FOCAD: variants seen among roughly 807,000 people sequenced by gnomAD.
The protein encoded by FOCAD is focadhesin.
In FOCAD, 198 loss-of-function variants were observed where a neutral mutation model predicts 225.6. That is an observed-to-expected ratio of 0.88 (90% confidence interval 0.78 to 0.99). The LOEUF (loss-of-function observed/expected upper bound fraction) is 0.99. FOCAD is among the 50% of genes least tolerant of loss of function. The pLI is 0.00. For missense variants in FOCAD, 2,713 were observed against 2,123.6 expected (o/e 1.28, Z -5.46); for synonymous variants, 897 against 755.0 (o/e 1.19, Z -3.08).
chr9:20,690,365 C>A (rs1265594774), intron 1 of FOCAD, among the ~76,000 whole-genome samples: 3 of 152,090 alleles, frequency 2.0e-5, no homozygotes, highest in African/African-American at 2.4e-5. Flanking sequence ...AGCTTTTGAC[C>A]CCATTCCTGC....
chr9:20,964,106 C>T (rs565198245), intron 35 of FOCAD, among the ~76,000 whole-genome samples: 1 of 152,106 alleles, frequency 6.6e-6, no homozygotes, highest in East Asian at 1.9e-4. Context: ...TGTCTCATGC[C>T]TGTAATCCCA....
intron 11 of FOCAD, among the ~76,000 whole-genome samples, chr9:20,804,283 C>G (rs186091202): frequency 6.5e-4 from 99 of 152,038 alleles, no homozygotes; most frequent in African/African-American, 2.2e-3. Context: ...TATGCCCATT[C>G]TGTTCCTTTT....
chr9:20,938,226 C>G (rs538591551), intron 28 of FOCAD, among the ~76,000 whole-genome samples: 42 of 152,340 alleles, frequency 2.8e-4, no homozygotes, highest in Non-Finnish European at 4.6e-4. Flanking sequence ...CATTCCATTA[C>G]TGGGTATATA....
Position 20,768,118 on chromosome 9 carries a change from C to A in FOCAD, c.700-1914C>A, listed in dbSNP as rs1374930059. On this transcript the variant is annotated intron_variant, in intron 7 of 43. Coordinates refer to ENST00000338382, the MANE Select transcript of FOCAD (RefSeq NM_001375567.1). ...CATTGCTTGTTTTTCTCAGGTTTGT[C>A]AAAGATCAGATAGTTGTAGATATGC... 9.4e-5 allele frequency among the ~76,000 whole-genome samples: 14 copies of A among 149,064 alleles called. No homozygotes were observed. The East Asian group carries it at 2.8e-3, about 30-fold the overall frequency.
intron 15 of FOCAD, among the ~76,000 whole-genome samples, chr9:20,836,944 TATA>T (rs1161604776): frequency 6.6e-6 from 1 of 152,068 alleles, no homozygotes; most frequent in Non-Finnish European, 1.5e-5. Flanking sequence ...TATCCCAACT[TATA>T]ATGGGAAAAT....
chr9:20,990,214 G>C lies in FOCAD; in HGVS notation c.5096G>C (p.Trp1699Ser). The stretch of plus-strand genomic sequence containing the variant: ...CTCCTCCTCGGCCTCAGTGCCAGTT[G>C]GTTGCCATGGCATCAGGAGAATGGC... Reference protein sequence around the residue: ...APLLLGLSASWLPWHQENGPA... With the variant: ...APLLLGLSASSLPWHQENGPA... Residue 1699 changes from tryptophan (W) to serine (S), a missense_variant, in exon 42 of 44, where the codon TGG (tryptophan) becomes TCG (serine). Coordinates refer to ENST00000338382, the MANE Select transcript of FOCAD (RefSeq NM_001375567.1). 6.2e-7 allele frequency: 1 copy of C among 1,614,162 alleles called. No homozygotes were observed. The highest frequency in any genetic ancestry group is 8.5e-7 in the Non-Finnish European group (1 of 1,180,014).
rs141576753 is a variant in FOCAD at position 20,672,096 on chromosome 9, T to G, written c.-78+13270T>G. On this transcript the variant is annotated intron_variant, in intron 2 of 45. Transcript: ENST00000380249. ...CATGGGATAGGGAACCATACTCTACTTTTGTGTGAAGGCAACAAATAAGGA... is the reference window on the plus strand; with the variant it reads ...CATGGGATAGGGAACCATACTCTACGTTTGTGTGAAGGCAACAAATAAGGA... Among the ~76,000 whole-genome samples the G allele has an allele frequency of 6.6e-3, 1,007 of 152,186 alleles. 9 individuals carry two copies. Among genetic ancestry groups the G allele is most frequent in the Middle Eastern group, 0.01 (3 of 294 alleles).
intron 15 of FOCAD, among the ~76,000 whole-genome samples, chr9:20,847,613 G>C (rs1035471264): frequency 6.6e-6 from 1 of 151,862 alleles, no homozygotes; most frequent in African/African-American, 2.4e-5. Flanking sequence ...GGAAGGAGGG[G>C]CGATAATCAT....
chr9:20,778,967 A>G (rs1340509227), intron 9 of FOCAD, among the ~76,000 whole-genome samples, 199 bp downstream of exon 9: 2 of 152,196 alleles, frequency 1.3e-5, no homozygotes, highest in Non-Finnish European at 1.5e-5. Context: ...TTTACCAAGT[A>G]TCTCGGCTGC....
At chr9:20,907,354 T>C (rs1833066135) in intron 22 of FOCAD, 112 bp downstream of exon 22, 1 of 819,894 alleles carries the variant, frequency 1.2e-6, no homozygotes, top group Non-Finnish European at 2.1e-6. Flanking sequence ...CTACCAAAAA[T>C]GTAATGGTTA....
At chr9:20,957,069 G>T (rs1587715885) in intron 35 of FOCAD, among the ~76,000 whole-genome samples, 1 of 152,038 alleles carries the variant, frequency 6.6e-6, no homozygotes, top group East Asian at 1.9e-4. Flanking sequence ...TATAATAACA[G>T]CTATTATTTT....
At chr9:20,902,044 C>T (rs569334148) in intron 21 of FOCAD, among the ~76,000 whole-genome samples, 7 of 151,848 alleles carry the variant, frequency 4.6e-5, no homozygotes, top group African/African-American at 9.7e-5. Context: ...GATTTTCACA[C>T]GATAGGAATT....
intron 10 of FOCAD, among the ~76,000 whole-genome samples, chr9:20,784,627 A>T (rs911531972): frequency 3.9e-5 from 6 of 152,216 alleles, no homozygotes; most frequent in African/African-American, 1.4e-4. Flanking sequence ...AGACAGCTTG[A>T]CTGAGCTGGG....
chr9:20,926,238 A>G, intron 25 of FOCAD, 63 bp from the exon 26 acceptor site: 1 of 1,024,510 alleles, frequency 9.8e-7, no homozygotes, highest in South Asian at 1.3e-5. Context: ...TACACCTTAG[A>G]TTTAGAAATA....
chr9:20,731,751 G>A (rs964726061), intron 4 of FOCAD, among the ~76,000 whole-genome samples: 3 of 152,002 alleles, frequency 2.0e-5, no homozygotes, highest in Admixed American at 6.6e-5. Context: ...CCAAGTTGCC[G>A]GGACTACAGA....
In FOCAD at chr9:20,874,904, T is replaced by C. The variant is rs1459411452; in HGVS notation, c.2317+97T>C. 5 of 1,439,378 alleles carry C rather than the reference T, an allele frequency of 3.5e-6. No homozygotes were observed. In the Admixed American group the frequency reaches 9.6e-5, roughly 28 times the overall value. 89.2% of individuals were successfully genotyped at this position (1,439,378 alleles called of 1,614,324 possible). A position where few individuals can be genotyped will look rare whatever the true frequency, so the allele number is the denominator to read the frequency against. On this transcript the variant is annotated intron_variant, in intron 19 of 43. Transcript: ENST00000338382. Reference sequence around the variant, plus strand: ...GATAGGTACATAGTATAGTTTAACCTTATGTGCTTATTTTTTAACCAGAAT... The same window carrying C: ...GATAGGTACATAGTATAGTTTAACCCTATGTGCTTATTTTTTAACCAGAAT...
At chr9:20,979,733 C>A (rs1489329781) in intron 37 of FOCAD, among the ~76,000 whole-genome samples, 1 of 152,182 alleles carries the variant, frequency 6.6e-6, no homozygotes, top group Non-Finnish European at 1.5e-5. Context: ...CAGGTATTAA[C>A]TTCATTCCAC....
intron 11 of FOCAD, among the ~76,000 whole-genome samples, chr9:20,818,455 G>T (rs1356258703): frequency 6.6e-6 from 1 of 151,906 alleles, no homozygotes; most frequent in Admixed American, 6.6e-5. Flanking sequence ...ATGTTACAAA[G>T]ACTTAATCCT....
chr9:20,838,185 AG>A (rs1826178657), intron 15 of FOCAD, among the ~76,000 whole-genome samples: 1 of 152,120 alleles, frequency 6.6e-6, no homozygotes, highest in African/African-American at 2.4e-5. Context: ...CTGTACTATT[AG>A]TTGGAGGTCA....
Sources: allele counts gnomAD v4.1 joint callset (sites outside exome capture counted in the v4.1 genomes callset), GRCh38; gene constraint gnomAD v4.1.1; transcripts MANE v1.5; gene names NCBI Gene and HGNC (gene_info 2026-07-23, HGNC 2026-07-21).